Variants in NOL4L observed in about 807,000 individuals in gnomAD.
NOL4L encodes nucleolar protein 4 like.
A neutral mutation model predicts 64.5 loss-of-function variants in NOL4L; 7 were observed. The ratio of observed to expected loss-of-function variants is 0.11; its 90% confidence interval spans 0.06 to 0.20. NOL4L has a LOEUF of 0.20. NOL4L is among the 10% of genes least tolerant of loss of function. The pLI is 1.00. For synonymous variants in NOL4L, 413 were observed against 401.0 expected, an observed-to-expected ratio of 1.03 and a Z score of -0.36; for missense variants, 680 against 967.1, an observed-to-expected ratio of 0.70 and a Z score of 3.94.
chr20:32,578,947 C>T (rs1054028984), intron 1 of NOL4L, among the ~76,000 whole-genome samples: 1 of 152,164 alleles, frequency 6.6e-6, no homozygotes, highest in Admixed American at 6.5e-5. Flanking sequence ...CAAGGAGATG[C>T]CTTGGCTGCA....
At chr20:32,458,497 ACCCTGTCAC>A (rs1343089799) in intron 5 of NOL4L, among the ~76,000 whole-genome samples, 1 of 152,114 alleles carries the variant, frequency 6.6e-6, no homozygotes, top group Non-Finnish European at 1.5e-5. Flanking sequence ...ACCAGGACAG[ACCCTGTCAC>A]CAGAGAAGCC....
At chr20:32,461,714 G>A (rs1008009833) in intron 5 of NOL4L, among the ~76,000 whole-genome samples, 4 of 150,720 alleles carry the variant, frequency 2.7e-5, no homozygotes, top group South Asian at 2.1e-4. Flanking sequence ...GAGCCACTGC[G>A]CCCAGCCCCC....
intron 1 of NOL4L, among the ~76,000 whole-genome samples, chr20:32,552,702 C>T (rs1978381515): frequency 6.6e-6 from 1 of 151,464 alleles, no homozygotes; most frequent in Non-Finnish European, 1.5e-5. Flanking sequence ...CAAAACAAAA[C>T]AAAACAACAC....
intron 4 of NOL4L, among the ~76,000 whole-genome samples, chr20:32,482,998 G>A (rs1440929947): frequency 4.6e-5 from 7 of 151,088 alleles, no homozygotes; most frequent in Admixed American, 4.6e-4. Context: ...CGCCCCCCAG[G>A]ACCCGCGGCG....
chr20:32,455,625 T>C (rs1424953208), intron 6 of NOL4L, among the ~76,000 whole-genome samples: 1 of 152,146 alleles, frequency 6.6e-6, no homozygotes, highest in Admixed American at 6.5e-5. Context: ...GGGTACGTAC[T>C]GTGCCCACCC....
chr20:32,455,753 T>C (rs765148735), intron 6 of NOL4L, among the ~76,000 whole-genome samples: 4 of 152,192 alleles, frequency 2.6e-5, no homozygotes, highest in Non-Finnish European at 4.4e-5. Context: ...AACCAGGCAG[T>C]GGGAGGCCTC....
intron 6 of NOL4L, 68 bp downstream of exon 6, chr20:32,456,050 C>G (rs1465962886): frequency 1.3e-5 from 18 of 1,431,534 alleles, no homozygotes; most frequent in Non-Finnish European, 1.7e-5. Context: ...TGGGCGTATA[C>G]AATTTCATTC....
intron 1 of NOL4L, among the ~76,000 whole-genome samples, chr20:32,546,930 G>A (rs989607690): frequency 6.6e-6 from 1 of 152,212 alleles, no homozygotes. Context: ...CCCAGGAAAC[G>A]TGTACTGAAA....
At chr20:32,522,847 G>A (rs886960478) in intron 2 of NOL4L, among the ~76,000 whole-genome samples, 11 of 152,196 alleles carry the variant, frequency 7.2e-5, no homozygotes, top group East Asian at 1.9e-4. Context: ...TGGAGGGCCC[G>A]GGGGAGGGTT....
chr20:32,474,125 A>T (rs906317016), intron 5 of NOL4L, among the ~76,000 whole-genome samples: 1 of 152,248 alleles, frequency 6.6e-6, no homozygotes, highest in African/African-American at 2.4e-5. Context: ...GCCGCATCGC[A>T]TCCCAAGGGG....
intron 2 of NOL4L, among the ~76,000 whole-genome samples, chr20:32,522,026 T>C (rs1161978477): frequency 4.6e-5 from 7 of 152,218 alleles, no homozygotes; most frequent in Admixed American, 2.0e-4. Context: ...TTTGCTCCTT[T>C]AGAAATGCAC....
Position 32,534,881 on chromosome 20 carries a change from C to CAAA in NOL4L, c.322-6971_322-6969dup, listed in dbSNP as rs57677677. Among the ~76,000 whole-genome samples, 337 of 67,870 alleles carry CAAA rather than the reference C, an allele frequency of 5.0e-3. 2 individuals are homozygous for CAAA. The highest frequency in any genetic ancestry group is 8.7e-3 in the Non-Finnish European group (256 of 29,336). 44.5% of individuals were successfully genotyped at this position (67,870 alleles called of 152,430 possible). ...TGGGTGACACAGTGAGACCCCATCT[C>CAAA]AAAAAAAAAAAAAAAAAAGTCAGCC... On this transcript the variant is annotated intron_variant, in intron 1 of 10. Transcript: ENST00000621426.
In NOL4L at chr20:32,443,606, A is replaced by G. The variant is rs1358733650; in HGVS notation, c.*3990T>C. ...GAACCCTGAAGAAATGGCTTGTACTATCTGCACTGAAAGTCTTAAATCTCA... is the reference window on the plus strand; with the variant it reads ...GAACCCTGAAGAAATGGCTTGTACTGTCTGCACTGAAAGTCTTAAATCTCA... On this transcript the variant is annotated 3_prime_UTR_variant, in exon 11 of 11. Coordinates refer to ENST00000621426, the MANE Select transcript of NOL4L (RefSeq NM_001256798.2). The G allele has an allele frequency of 2.6e-5, 4 of 152,266 alleles. No individual in the cohort carries two copies. The highest frequency in any genetic ancestry group is 2.1e-4 in the South Asian group (1 of 4,826). 9.4% of individuals were successfully genotyped at this position (152,266 alleles called of 1,614,324 possible).
At position 32,445,201 on chromosome 20, in the gene NOL4L, T is replaced by TAA. The variant is rs1291722659; in HGVS notation, c.*2393_*2394dup. The TAA allele has an allele frequency of 1.3e-5, 2 of 152,250 alleles. No individual in the cohort carries two copies. The highest frequency in any genetic ancestry group is 4.8e-5 in the African/African-American group (2 of 41,480). The allele number at this position is 152,250 out of a possible 1,614,324, so 9.4% of individuals were successfully genotyped here. On this transcript the variant is annotated 3_prime_UTR_variant, in exon 11 of 11. Transcript: ENST00000621426. ...TGAACCTACGCTCTTGCCGCAGTACTAAGGCAGGCTGGAGGGTGGTCAGTT... is the reference window on the plus strand; with the variant it reads ...TGAACCTACGCTCTTGCCGCAGTACTAAAAGGCAGGCTGGAGGGTGGTCAGTT...
At chr20:32,501,849 G>T (rs1490621008) in intron 4 of NOL4L, among the ~76,000 whole-genome samples, 2 of 152,174 alleles carry the variant, frequency 1.3e-5, no homozygotes, top group Admixed American at 1.3e-4. Flanking sequence ...TCAAAAGAGA[G>T]AGAGCTACGG....
intron 1 of NOL4L, among the ~76,000 whole-genome samples, chr20:32,544,307 G>A (rs1000598645): frequency 6.6e-6 from 1 of 151,822 alleles, no homozygotes; most frequent in Admixed American, 6.6e-5. Flanking sequence ...GCAGGGGGCG[G>A]GTGGAGAAAG....
intron 1 of NOL4L, among the ~76,000 whole-genome samples, chr20:32,550,565 G>A (rs955526145): frequency 6.6e-6 from 1 of 152,144 alleles, no homozygotes; most frequent in African/African-American, 2.4e-5. Flanking sequence ...GGTCAACATG[G>A]TGAAACTTCG....
intron 4 of NOL4L, among the ~76,000 whole-genome samples, chr20:32,485,001 G>C (rs1437983954): frequency 7.6e-6 from 1 of 131,478 alleles, no homozygotes; most frequent in African/African-American, 3.0e-5. Context: ...CTCGAAAAAA[G>C]CTTGTGCTTC....
At chr20:32,511,309 A>T (rs2017393347) in intron 4 of NOL4L, 38 bp downstream of exon 4, 2 of 1,336,784 alleles carry the variant, frequency 1.5e-6, no homozygotes, top group Non-Finnish European at 2.1e-6. Flanking sequence ...GCAAGTCAGG[A>T]CGCCTCCAGG....
Sources: gnomAD v4.1 joint callset for allele counts (sites outside exome capture counted in the v4.1 genomes callset) on GRCh38, gnomAD v4.1.1 for gene constraint, MANE v1.5 for transcripts, NCBI Gene and HGNC (gene_info 2026-07-23, HGNC 2026-07-21) for gene names.